The following TAFA2 variants were observed in gnomAD, a reference collection of about 807,000 sequenced individuals.
TAFA2 encodes chemokine-like protein TAFA-2.
In TAFA2, 7 loss-of-function variants were observed where a neutral mutation model predicts 18.8. The observed-to-expected ratio is 0.37, with a 90% CI of 0.21 to 0.70. The LOEUF is 0.70. Among genes scored for constraint, TAFA2 ranks in the 30% least tolerant of loss-of-function variants. The probability of loss-of-function intolerance (pLI) is 0.53; values close to 1 mark genes in which losing one functional copy is unlikely to be tolerated. For synonymous variants in TAFA2, 60 were observed against 54.2 expected, an observed-to-expected ratio of 1.11 and a Z score of -0.47; for missense variants, 122 against 158.1, an observed-to-expected ratio of 0.77 and a Z score of 1.23.
chr12:62,108,998 T>C (rs1869597112), intron 1 of TAFA2, among the ~76,000 whole-genome samples: 1 of 152,252 alleles, frequency 6.6e-6, no homozygotes, highest in South Asian at 2.1e-4. Context: ...ATCCAATTTG[T>C]CAATTTTGGC....
intron 1 of TAFA2, among the ~76,000 whole-genome samples, chr12:61,909,627 C>A (rs921763863): frequency 6.6e-6 from 1 of 152,130 alleles, no homozygotes; most frequent in Non-Finnish European, 1.5e-5. Context: ...TGGGAAGGAA[C>A]TAACTGGCAG....
intron 1 of TAFA2, among the ~76,000 whole-genome samples, chr12:61,931,789 TG>T (rs1469962471): frequency 2.0e-5 from 3 of 152,192 alleles, no homozygotes; most frequent in African/African-American, 7.2e-5. Context: ...TTATCTTCTT[TG>T]GGAAATCTTC....
intron 1 of TAFA2, among the ~76,000 whole-genome samples, chr12:62,209,184 T>C (rs1048611638): frequency 6.6e-6 from 1 of 152,180 alleles, no homozygotes; most frequent in Middle Eastern, 3.2e-3. Flanking sequence ...GCAATCCCCA[T>C]AATCTCCATA....
chr12:61,805,761 A>G (rs1565640376), intron 2 of TAFA2, among the ~76,000 whole-genome samples: 1 of 152,212 alleles, frequency 6.6e-6, no homozygotes, highest in South Asian at 2.1e-4. Context: ...ATATAGAGAT[A>G]TCAATAACTG....
intron 1 of TAFA2, among the ~76,000 whole-genome samples, chr12:61,881,952 CA>C (rs567636310): frequency 8.8e-5 from 13 of 148,318 alleles, no homozygotes; most frequent in Non-Finnish European, 1.2e-4. Context: ...CATATGAATA[CA>C]AAAAAAAAAT....
chr12:62,079,084 T>C (rs1868281381), intron 1 of TAFA2, among the ~76,000 whole-genome samples: 1 of 152,106 alleles, frequency 6.6e-6, no homozygotes, highest in Non-Finnish European at 1.5e-5. Context: ...TCACACTGAG[T>C]TTACGATGCC....
chr12:61,937,309 A>C (rs1877810162), intron 1 of TAFA2, among the ~76,000 whole-genome samples: 1 of 152,154 alleles, frequency 6.6e-6, no homozygotes, highest in Non-Finnish European at 1.5e-5. Context: ...AAAAACATTA[A>C]AATTCATATG....
intron 1 of TAFA2, among the ~76,000 whole-genome samples, chr12:62,017,816 A>G (rs1269842408): frequency 6.6e-6 from 1 of 152,200 alleles, no homozygotes; most frequent in African/African-American, 2.4e-5. Flanking sequence ...TCAATAAAAG[A>G]AAACAAGCAG....
chr12:61,914,444 A>G (rs1003145357), intron 1 of TAFA2, among the ~76,000 whole-genome samples: 1 of 152,200 alleles, frequency 6.6e-6, no homozygotes. Flanking sequence ...TTGAATGCCT[A>G]TAAGGTTGGA....
At chr12:61,735,398 T>C (rs987979589) in intron 4 of TAFA2, among the ~76,000 whole-genome samples, 9 of 152,090 alleles carry the variant, frequency 5.9e-5, no homozygotes, top group African/African-American at 2.2e-4. Context: ...ATTTTATTCA[T>C]AATTGACACA....
intron 1 of TAFA2, among the ~76,000 whole-genome samples, chr12:61,984,992 C>A (rs1397743844): frequency 6.6e-6 from 1 of 152,136 alleles, no homozygotes; most frequent in Non-Finnish European, 1.5e-5. Context: ...GTGAAAGGAA[C>A]TGAAGTTTTA....
intron 2 of TAFA2, among the ~76,000 whole-genome samples, chr12:61,832,346 G>C (rs545002702): frequency 1.3e-5 from 2 of 152,106 alleles, no homozygotes; most frequent in African/African-American, 4.8e-5. Flanking sequence ...GTGAACCCAA[G>C]CCAGAAGAGA....
At chr12:62,036,552 C>CGA in intron 1 of TAFA2, among the ~76,000 whole-genome samples, 1 of 152,276 alleles carries the variant, frequency 6.6e-6, no homozygotes, top group East Asian at 1.9e-4. Context: ...TATCTGTGTT[C>CGA]ACCATTCAGC....
chr12:62,254,719 T>A (rs2062930372), intron 1 of TAFA2, among the ~76,000 whole-genome samples: 1 of 152,252 alleles, frequency 6.6e-6, no homozygotes, highest in African/African-American at 2.4e-5. Flanking sequence ...CTGTGTGGTC[T>A]ATAGTGTCCT....
rs1047571198 is a variant in TAFA2, at chr12:61,871,534, G to C, written c.-1-4108C>G. On this transcript the variant is annotated intron_variant, in intron 1 of 4. Coordinates refer to ENST00000416284, the MANE Select transcript of TAFA2 (RefSeq NM_178539.5). Reference sequence around the variant, plus strand: ...CAGTGAAAAGAAACTGGAAACTAAAGGAAAATACACATAGAGGAGGAAACC... The same window carrying C: ...CAGTGAAAAGAAACTGGAAACTAAACGAAAATACACATAGAGGAGGAAACC... 2.0e-5 allele frequency among the ~76,000 whole-genome samples: 3 copies of C among 152,144 alleles called. No individual in the cohort carries two copies. In the East Asian group the frequency reaches 5.8e-4, roughly 29 times the overall value.
chr12:61,869,672 A>G (rs1874510059), intron 1 of TAFA2, among the ~76,000 whole-genome samples: 1 of 152,176 alleles, frequency 6.6e-6, no homozygotes, highest in Admixed American at 6.5e-5. Context: ...GAAGCCTCTT[A>G]GAGAAATATT....
chr12:62,246,190 G>C (rs1470215291), intron 1 of TAFA2, among the ~76,000 whole-genome samples: 2 of 152,102 alleles, frequency 1.3e-5, no homozygotes, highest in African/African-American at 4.8e-5. Flanking sequence ...GTTTCACCGT[G>C]TTAGCCAGGA....
chr12:61,731,835 T>G (rs915960087), intron 4 of TAFA2, among the ~76,000 whole-genome samples: 6 of 152,132 alleles, frequency 3.9e-5, no homozygotes, highest in Admixed American at 3.3e-4. Context: ...TTCTTAGTTT[T>G]GGGCTTCAAA....
At chr12:61,739,359 A>G (rs1868361554) in intron 4 of TAFA2, among the ~76,000 whole-genome samples, 1 of 152,008 alleles carries the variant, frequency 6.6e-6, no homozygotes, top group Non-Finnish European at 1.5e-5. Context: ...CACCTTGACA[A>G]TGTCTCCATC....
Sources: allele counts gnomAD v4.1 joint callset (sites outside exome capture counted in the v4.1 genomes callset), GRCh38; gene constraint gnomAD v4.1.1; transcripts MANE v1.5; gene names NCBI Gene and HGNC (gene_info 2026-07-23, HGNC 2026-07-21).